The following OBP2B variants were observed in gnomAD, a reference collection of about 807,000 sequenced individuals.
The protein encoded by OBP2B is odorant-binding protein 2b.
Under a neutral mutation model 21.7 loss-of-function variants are expected in OBP2B, and 10 were observed. That is an observed-to-expected ratio of 0.46 (90% confidence interval 0.28 to 0.78). The LOEUF is 0.78. OBP2B is among the 30% of genes least tolerant of loss of function. The pLI is 0.11. For synonymous variants in OBP2B, 73 were observed against 91.5 expected (o/e 0.80, Z 1.16); for missense variants, 153 against 217.7 (o/e 0.70, Z 1.87).
At chr9:133,222,730 C>A in the OBP2B span, among the ~76,000 whole-genome samples, 4,023 of 150,630 alleles carry the variant, frequency 0.027, 200 homozygotes, top group African/African-American at 0.093. Context: ...GACTCCAAAA[C>A]AAAAAAAAAG....
At chr9:133,217,038 A>T in the OBP2B span, among the ~76,000 whole-genome samples, 3 of 152,138 alleles carry the variant, frequency 2.0e-5, no homozygotes, top group Non-Finnish European at 4.4e-5. Flanking sequence ...ATTTCAACAG[A>T]TACACTCCCA....
intron 4 of OBP2B, 83 bp from the exon 5 acceptor site, chr9:133,206,499 C>T (rs1216137982): frequency 3.9e-5 from 61 of 1,562,806 alleles, no homozygotes; most frequent in Middle Eastern, 2.0e-4. Context: ...GAGACGACCA[C>T]GGCCCAGCAC....
At chr9:133,212,890 T>C (rs1461412983), upstream of OBP2B, among the ~76,000 whole-genome samples, 2 of 151,954 alleles carry the variant, frequency 1.3e-5, no homozygotes, top group African/African-American at 2.4e-5. Context: ...ATCATGCCAC[T>C]GCACTCCAGC....
At chr9:133,214,918 G>GT in the OBP2B span, among the ~76,000 whole-genome samples, 2 of 152,098 alleles carry the variant, frequency 1.3e-5, no homozygotes, top group African/African-American at 4.8e-5. Flanking sequence ...AGCAATAAAG[G>GT]TTTTTTAAAA....
At chr9:133,215,463 C>CT in the OBP2B span, among the ~76,000 whole-genome samples, 309 of 150,340 alleles carry the variant, frequency 2.1e-3, 1 homozygote, top group African/African-American at 6.8e-3. Flanking sequence ...ATAACTAAAA[C>CT]TTTTTTTTTT....
the OBP2B span, among the ~76,000 whole-genome samples, chr9:133,218,593 G>A: frequency 9.3e-4 from 142 of 152,306 alleles, 4 homozygotes; most frequent in East Asian, 9.3e-3. Context: ...GAGGGAAACT[G>A]GCCCCCAGGT....
At chr9:133,217,075 T>C in the OBP2B span, among the ~76,000 whole-genome samples, 2 of 152,144 alleles carry the variant, frequency 1.3e-5, no homozygotes. Context: ...AGGGTTCAAT[T>C]GTTACTTACA....
rs782784474 is a variant in OBP2B, at chr9:133,207,284, G to A, written c.330C>T (p.Tyr110=). Residue 110 remains tyrosine, a synonymous_variant, in exon 4 of 7, where the codon TAC becomes TAT. Transcript: ENST00000372034. ...GGTGCTGGTCTTTGCAGTAAAAGAT[G>A]TAGTGGTCCCTCCTGGGCAGCTCCT... ...YLQELPRRDH[Y]IFYCKDQHHG... The A allele has an allele frequency of 3.1e-6, 5 of 1,613,910 alleles. No individual in the cohort carries two copies. In the East Asian group the frequency reaches 6.7e-5, roughly 22 times the overall value.
At chr9:133,207,855 C>T in intron 3 of OBP2B, 1 of 1,512,154 alleles carries the variant, frequency 6.6e-7, no homozygotes, top group East Asian at 2.6e-5. Context: ...CCTTGGCCTC[C>T]TTGTCCCAAT....
chr9:133,210,453 C>T (rs1385046824), upstream of OBP2B, among the ~76,000 whole-genome samples: 1 of 152,106 alleles, frequency 6.6e-6, no homozygotes, highest in Non-Finnish European at 1.5e-5. Context: ...AACCCCCCAC[C>T]CTCATCCCCC....
At chr9:133,207,778 C>T in intron 3 of OBP2B, 4 of 1,091,892 alleles carry the variant, frequency 3.7e-6, no homozygotes, top group South Asian at 1.4e-5. Context: ...CCATCCTTAA[C>T]CCTCAGCTTC....
chr9:133,208,986 AC>A, intron 1 of OBP2B, 141 bp downstream of exon 1: 4 of 936,606 alleles, frequency 4.3e-6, no homozygotes, highest in Non-Finnish European at 6.4e-6. Context: ...GAACAATAGG[AC>A]CCCTCCACCA....
the OBP2B span, among the ~76,000 whole-genome samples, chr9:133,216,274 G>A: frequency 6.6e-6 from 1 of 150,578 alleles, no homozygotes; most frequent in African/African-American, 2.4e-5. Context: ...AAGACATGAA[G>A]GGACACTTGA....
chr9:133,213,566 A>G (rs77972880), upstream of OBP2B, among the ~76,000 whole-genome samples: 6,138 of 152,298 alleles, frequency 0.04, 334 homozygotes, highest in African/African-American at 0.13. Flanking sequence ...ACAAACAAAA[A>G]AAGAAAGAAA....
chr9:133,207,980 G>C, intron 3 of OBP2B, 153 bp downstream of exon 3: 1 of 1,526,454 alleles, frequency 6.6e-7, no homozygotes, highest in Non-Finnish European at 8.8e-7. Flanking sequence ...AGGGCCACCA[G>C]CCCCCCAGGA....
intron 3 of OBP2B, chr9:133,207,804 C>A (rs782151843): frequency 2.9e-6 from 4 of 1,359,148 alleles, no homozygotes; most frequent in Non-Finnish European, 4.0e-6. Flanking sequence ...CCTTAACCCT[C>A]AGCTTCCCCA....
upstream of OBP2B, among the ~76,000 whole-genome samples, chr9:133,210,723 C>G (rs1833900210): frequency 6.6e-6 from 1 of 152,212 alleles, no homozygotes; most frequent in Admixed American, 6.5e-5. Context: ...GAGGTCCACG[C>G]TCAGTGCGAC....
chr9:133,206,944 C>T (rs782791402), intron 4 of OBP2B, among the ~76,000 whole-genome samples: 10 of 152,018 alleles, frequency 6.6e-5, no homozygotes, highest in Non-Finnish European at 1.0e-4. Context: ...TCTCTTAGGA[C>T]GCTTAAGGTG....
At chr9:133,214,383 G>A in the OBP2B span, among the ~76,000 whole-genome samples, 1 of 152,252 alleles carries the variant, frequency 6.6e-6, no homozygotes, top group East Asian at 1.9e-4. Context: ...GTAGAGGAAT[G>A]GCCAGGCCCA....
Sources: gnomAD v4.1 joint callset for allele counts (sites outside exome capture counted in the v4.1 genomes callset) on GRCh38, gnomAD v4.1.1 for gene constraint, MANE v1.5 for transcripts, NCBI Gene and HGNC (gene_info 2026-07-23, HGNC 2026-07-21) for gene names.